Variants in SYTL2 observed in about 807,000 individuals in gnomAD.
SYTL2 encodes the protein synaptotagmin-like protein 2.
A neutral mutation model predicts 198.7 loss-of-function variants in SYTL2; 165 were observed. That is an observed-to-expected ratio of 0.83 (90% CI 0.73 to 0.94). The LOEUF (loss-of-function observed/expected upper bound fraction) is 0.94, where lower values mean the gene tolerates loss of function less well. Among genes scored for constraint, SYTL2 ranks in the 40% least tolerant of loss-of-function variants. SYTL2 has a pLI of 0.00. For missense variants in SYTL2, 2,835 were observed against 2,582.8 expected, an observed-to-expected ratio of 1.10 and a Z score of -2.12; for synonymous variants, 966 against 917.7, an observed-to-expected ratio of 1.05 and a Z score of -0.95.
At chr11:85,809,921 C>T (rs966927467) in intron 1 of SYTL2, among the ~76,000 whole-genome samples, 2 of 152,246 alleles carry the variant, frequency 1.3e-5, no homozygotes, top group Non-Finnish European at 2.9e-5. Context: ...CCATAGAAAT[C>T]CAGCCAAGTC....
chr11:85,793,000 T>C (rs1264112100), intron 1 of SYTL2, among the ~76,000 whole-genome samples: 1 of 152,014 alleles, frequency 6.6e-6, no homozygotes, highest in Non-Finnish European at 1.5e-5. Context: ...GGTGTATATG[T>C]GCCACATTTT....
chr11:85,762,823 C>T (rs545029804), intron 1 of SYTL2, among the ~76,000 whole-genome samples: 8 of 152,294 alleles, frequency 5.3e-5, no homozygotes, highest in South Asian at 2.1e-4. Context: ...ACTCATCACA[C>T]GGTCTCAAAT....
At chr11:85,826,801 C>T in the SYTL2 span, among the ~76,000 whole-genome samples, 1 of 152,186 alleles carries the variant, frequency 6.6e-6, no homozygotes, top group African/African-American at 2.4e-5. Context: ...CATATTCACT[C>T]CTCGTGAAGG....
At chr11:85,817,562 CTTATA>C in the SYTL2 span, among the ~76,000 whole-genome samples, 1 of 151,850 alleles carries the variant, frequency 6.6e-6, no homozygotes, top group Non-Finnish European at 1.5e-5. Context: ...AAATATGTGG[CTTATA>C]TTATATTTCT....
chr11:85,833,017 AAG>A, the SYTL2 span, among the ~76,000 whole-genome samples: 1 of 17,262 alleles, frequency 5.8e-5, no homozygotes, highest in South Asian at 1.6e-3. Flanking sequence ...AAAGAAAAGA[AAG>A]AAAGAAAGAA....
intron 11 of SYTL2, chr11:85,716,683 G>A (rs76637618): frequency 0.025 from 3,100 of 123,404 alleles, 63 homozygotes; most frequent in Admixed American, 0.047. Flanking sequence ...AAACCAAGAA[G>A]CTAAAAAATC....
At chr11:85,700,322 T>TTTC (rs2084079560) in intron 17 of SYTL2, among the ~76,000 whole-genome samples, 193 bp downstream of exon 17, 1 of 11,484 alleles carries the variant, frequency 8.7e-5, no homozygotes, top group African/African-American at 7.1e-4. Context: ...TTATGTTTTC[T>TTTC]TTTTTTTTTT....
chr11:85,725,567 C>A lies in SYTL2; in HGVS notation c.3791G>T (p.Arg1264Ile), dbSNP rs754638108. 7.4e-6 allele frequency: 12 copies of A among 1,614,110 alleles called. No individual in the cohort carries two copies. In the South Asian group the frequency reaches 1.3e-4, roughly 18 times the overall value. ...CACTGGAAAAGGAGCTAGTATTTCT[C>A]TCTTATCAGCTGAAGTATTGTGACT... Reference protein sequence around the residue: ...EQSHNTSADKREILAPFPVRD... With the variant: ...EQSHNTSADKIEILAPFPVRD... The change falls in exon 8 of 20, where the codon AGA becomes ATA. Residue 1264 changes from arginine (R) to isoleucine (I), a missense_variant. By Grantham distance (97) the Arg-to-Ile change is moderately conservative. Transcript: ENST00000359152.
rs563170718 is a variant in SYTL2, at chr11:85,711,176, G to C, written c.5682C>G (p.His1894Gln). 1.6e-4 allele frequency: 262 copies of C among 1,614,048 alleles called. 5 individuals are homozygous for C. The South Asian group carries it at 2.6e-3, about 16-fold the overall frequency. The change falls in exon 13 of 20, where the codon CAC (histidine) becomes CAG (glutamine). Residue 1894 changes from histidine (H) to glutamine (Q), a missense_variant. Physicochemically the swap from His to Gln is conservative, Grantham distance 24 (BLOSUM62 0). This residue lies in a region of SYTL2 where 2,645 missense variants were observed against 2,381.7 expected (regional missense o/e 1.11). Coordinates refer to ENST00000359152, the MANE Select transcript of SYTL2 (RefSeq NM_206927.4). ...TGGTTAAAGAGCTCGGGCTCTTCTT[G>C]TGTCTGCTGAGCTGGTAACTGCTTT... ...ASESSYQLSR[H>Q]KKSPSSLTNL... is the part of the protein sequence containing the mutation.
At chr11:85,703,551 T>C (rs1032098810) in intron 16 of SYTL2, among the ~76,000 whole-genome samples, 3 of 152,150 alleles carry the variant, frequency 2.0e-5, no homozygotes, top group African/African-American at 7.2e-5. Context: ...TTGAAAAAGA[T>C]GTTATGATAC....
At chr11:85,711,078 G>T in intron 13 of SYTL2, 35 bp downstream of exon 13, 1 of 1,609,900 alleles carries the variant, frequency 6.2e-7, no homozygotes, top group Non-Finnish European at 8.5e-7. Context: ...TCAGAGACGC[G>T]GAGAGATATT....
chr11:85,843,157 C>T, the SYTL2 span, among the ~76,000 whole-genome samples: 3 of 152,112 alleles, frequency 2.0e-5, no homozygotes, highest in South Asian at 2.1e-4. Context: ...GCAGATCACT[C>T]GAGGTCTGGA....
intron 1 of SYTL2, among the ~76,000 whole-genome samples, chr11:85,791,182 AAAAAAAAAAAAAAC>A (rs1417212801): frequency 6.6e-6 from 1 of 150,594 alleles, no homozygotes; most frequent in African/African-American, 2.4e-5. Flanking sequence ...AAAAAAAAAA[AAAAAAAAAAAAAAC>A]AACCTTAGTA....
chr11:85,804,972 G>C (rs2092939058), intron 1 of SYTL2, among the ~76,000 whole-genome samples: 1 of 152,202 alleles, frequency 6.6e-6, no homozygotes. Context: ...CAACCACCCA[G>C]CACAGCATCT....
At chr11:85,784,628 G>A (rs779951446) in intron 1 of SYTL2, among the ~76,000 whole-genome samples, 8 of 152,070 alleles carry the variant, frequency 5.3e-5, no homozygotes, top group Non-Finnish European at 8.8e-5. Context: ...TAACATAATG[G>A]CTTTCAAATG....
the SYTL2 span, among the ~76,000 whole-genome samples, chr11:85,841,921 T>C: frequency 5.9e-5 from 9 of 152,260 alleles, no homozygotes; most frequent in Admixed American, 5.9e-4. Flanking sequence ...TGTCAGGTAC[T>C]ACTTTCTGGC....
At position 85,724,821 on chromosome 11, in the gene SYTL2, G is replaced by A. The variant is rs1328639405; in HGVS notation, c.4537C>T (p.Pro1513Ser). Residue 1513 changes from proline (P) to serine (S), a missense_variant, in exon 8 of 20, where the codon CCC becomes TCC. Around this residue, in one of 3 missense-constraint regions of SYTL2, gnomAD observed 2,645 missense variants for 2,381.7 expected, o/e 1.11. Coordinates refer to ENST00000359152, the MANE Select transcript of SYTL2 (RefSeq NM_206927.4). ...CCTGTATCACTTTCATATTTTGAGG[G>A]GAAGGTTTCAGTTTCTTCCTTCAGT... ...KLLKEETETFPSKYESDTGNL... is the reference protein window; with the variant it reads ...KLLKEETETFSSKYESDTGNL... 16 of 1,613,640 alleles carry A rather than the reference G, an allele frequency of 9.9e-6. No individual in the cohort carries two copies. Among genetic ancestry groups the A allele is most frequent in the Non-Finnish European group, 1.1e-5 (13 of 1,179,896 alleles).
chr11:85,758,357 G>A (rs2091974663), intron 1 of SYTL2, among the ~76,000 whole-genome samples: 1 of 152,154 alleles, frequency 6.6e-6, no homozygotes, highest in East Asian at 1.9e-4. Context: ...CCTGAGTAAA[G>A]GATGGTTGCA....
At chr11:85,720,297 G>A (rs917185946) in intron 9 of SYTL2, among the ~76,000 whole-genome samples, 1 of 152,142 alleles carries the variant, frequency 6.6e-6, no homozygotes, top group South Asian at 2.1e-4. Context: ...GACATCCAAC[G>A]CTGTCATATA....
Sources: gnomAD v4.1 joint callset for allele counts (sites outside exome capture counted in the v4.1 genomes callset) on GRCh38, gnomAD v4.1.1 for gene constraint, gnomAD v4.1.1 regional missense constraint, MANE v1.5 for transcripts, NCBI Gene and HGNC (gene_info 2026-07-23, HGNC 2026-07-21) for gene names.